SHPRH: variants seen among roughly 807,000 people sequenced by gnomAD.
The protein encoded by SHPRH is E3 ubiquitin-protein ligase SHPRH.
Under a neutral mutation model 202.5 loss-of-function variants are expected in SHPRH, and 106 were observed. The observed-to-expected ratio is 0.52, with a 90% CI of 0.45 to 0.62. The LOEUF is 0.62. Among genes scored for constraint, SHPRH ranks in the 20% least tolerant of loss-of-function variants. The pLI is 0.00. For missense variants in SHPRH, 1,710 were observed against 2,020.0 expected (o/e 0.85, Z 2.94); for synonymous variants, 729 against 686.0 (o/e 1.06, Z -0.98).
Position 145,943,679 on chromosome 6 carries a change from T to C in SHPRH, c.1702A>G (p.Lys568Glu). The change falls in exon 9 of 30, where the codon AAG (lysine) becomes GAG (glutamate). Residue 568 changes from lysine (K) to glutamate (E), a missense_variant. By Grantham distance (56) the Lys-to-Glu change is moderately conservative. Transcript: ENST00000275233. Reference protein sequence around the residue: ...DDDDPYYYYYKSRRNRSKLRK... With the variant: ...DDDDPYYYYYESRRNRSKLRK... ...AATTTACTGCGATTTCTCCTGGACTTATAATAATAATAGTAAGGATCATCA... is the reference window on the plus strand; with the variant it reads ...AATTTACTGCGATTTCTCCTGGACTCATAATAATAATAGTAAGGATCATCA... The C allele has an allele frequency of 6.2e-7, 1 of 1,613,880 alleles. No homozygotes were observed. The highest frequency in any genetic ancestry group is 8.5e-7 in the Non-Finnish European group (1 of 1,179,878).
intron 8 of SHPRH, 48 bp downstream of exon 8, chr6:145,945,333 G>T: frequency 1.9e-6 from 3 of 1,548,234 alleles, no homozygotes; most frequent in Non-Finnish European, 2.6e-6. Flanking sequence ...ACTCAGTAAG[G>T]TATCACATAC....
chr6:145,891,360 A>T (rs1562288132), intron 28 of SHPRH, among the ~76,000 whole-genome samples: 1 of 151,998 alleles, frequency 6.6e-6, no homozygotes, highest in Non-Finnish European at 1.5e-5. Flanking sequence ...CCATTTTCCC[A>T]TTTCTTTCAA....
intron 25 of SHPRH, among the ~76,000 whole-genome samples, chr6:145,899,243 G>A (rs541682124): frequency 1.3e-5 from 2 of 152,174 alleles, no homozygotes; most frequent in East Asian, 3.9e-4. Context: ...GATAACCAAA[G>A]CAATCTTGAG....
At chr6:145,911,482 G>C (rs937337505) in intron 24 of SHPRH, among the ~76,000 whole-genome samples, 2 of 152,062 alleles carry the variant, frequency 1.3e-5, no homozygotes, top group Non-Finnish European at 2.9e-5. Flanking sequence ...AATCCTCTCT[G>C]AATCTCTGCA....
intron 11 of SHPRH, among the ~76,000 whole-genome samples, chr6:145,939,043 A>G (rs1441755456): frequency 6.6e-6 from 1 of 152,170 alleles, no homozygotes; most frequent in Non-Finnish European, 1.5e-5. Flanking sequence ...CTGGCCCCAA[A>G]TGTCAATATG....
chr6:145,899,764 G>A (rs1229901801), intron 25 of SHPRH, among the ~76,000 whole-genome samples: 1 of 152,038 alleles, frequency 6.6e-6, no homozygotes, highest in African/African-American at 2.4e-5. Flanking sequence ...CATGTGATAA[G>A]GAGTTATTAT....
At chr6:145,961,777 C>G (rs752221702) in intron 1 of SHPRH, among the ~76,000 whole-genome samples, 16 of 152,208 alleles carry the variant, frequency 1.1e-4, no homozygotes, top group Non-Finnish European at 1.5e-5. Flanking sequence ...CAGTTCTTAA[C>G]TGAGTAAACA....
downstream of SHPRH, among the ~76,000 whole-genome samples, chr6:145,881,040 T>C (rs1780542001): frequency 1.3e-5 from 2 of 152,214 alleles, no homozygotes; most frequent in South Asian, 4.1e-4. Flanking sequence ...ATTTAAAATG[T>C]AAATAGGTTA....
intron 6 of SHPRH, 47 bp downstream of exon 6, chr6:145,947,446 G>A (rs377208669): frequency 1.6e-5 from 25 of 1,577,152 alleles, no homozygotes; most frequent in Admixed American, 1.3e-4. Context: ...GATGCTTTTC[G>A]AGAACATATG....
At chr6:145,874,681 G>GT (rs1322167819) in intron 2 of SHPRH, among the ~76,000 whole-genome samples, 1 of 152,078 alleles carries the variant, frequency 6.6e-6, no homozygotes, top group Admixed American at 6.5e-5. Context: ...TCCCCTTGAA[G>GT]TTTTTTCATC....
chr6:145,936,978 C>CTTTT (rs1206387630), intron 11 of SHPRH, among the ~76,000 whole-genome samples: 30 of 125,656 alleles, frequency 2.4e-4, no homozygotes, highest in Non-Finnish European at 3.7e-4. Flanking sequence ...CATGCTTCAT[C>CTTTT]TTTTTTTTTT....
At chr6:145,882,958 C>G (rs181879194), downstream of SHPRH, among the ~76,000 whole-genome samples, 8 of 152,142 alleles carry the variant, frequency 5.3e-5, no homozygotes, top group African/African-American at 9.6e-5. Flanking sequence ...TGGGAAGATC[C>G]CATAGGTCGA....
At chr6:145,951,452 A>C (rs953226265) in intron 3 of SHPRH, among the ~76,000 whole-genome samples, 2 of 152,154 alleles carry the variant, frequency 1.3e-5, no homozygotes, top group Middle Eastern at 3.4e-3. Flanking sequence ...CTTTATGCTC[A>C]GTTGTTTTAG....
intron 28 of SHPRH, among the ~76,000 whole-genome samples, chr6:145,890,407 A>G (rs2128712257): frequency 6.6e-6 from 1 of 152,308 alleles, no homozygotes; most frequent in East Asian, 1.9e-4. Context: ...CTAATGATCA[A>G]TTCTCAATCC....
Position 145,964,285 on chromosome 6 carries a change from T to C in SHPRH, c.-587A>G, listed in dbSNP as rs2128818739. The C allele has an allele frequency of 6.6e-6, 1 of 152,150 alleles. No homozygotes were observed. Among genetic ancestry groups the C allele is most frequent in the Middle Eastern group, 3.4e-3 (1 of 294 alleles). 9.4% of individuals were successfully genotyped at this position (152,150 alleles called of 1,614,324 possible). A position where few individuals can be genotyped will look rare whatever the true frequency, so the allele number is the denominator to read the frequency against. ...GCTTGAGGTGGGCACGAGCGCTTTT[T>C]GCCGGAACGTGTAGGGGTCCCCCGG... On this transcript the variant is annotated 5_prime_UTR_variant, in exon 1 of 30. Coordinates refer to ENST00000275233, the MANE Select transcript of SHPRH (RefSeq NM_001042683.3).
chr6:145,918,336 A>C, intron 22 of SHPRH, 104 bp from the exon 23 acceptor site: 1 of 726,738 alleles, frequency 1.4e-6, no homozygotes, highest in Non-Finnish European at 2.0e-6. Flanking sequence ...TGTTTTTAAA[A>C]AAAACCTATT....
At chr6:145,873,001 T>A (rs950941956) in intron 2 of SHPRH, among the ~76,000 whole-genome samples, 1 of 152,022 alleles carries the variant, frequency 6.6e-6, no homozygotes, top group Non-Finnish European at 1.5e-5. Context: ...CATGGACACA[T>A]GGCGGGGAAC....
At chr6:145,887,693 CCTGG>C (rs1423494684) in intron 29 of SHPRH, among the ~76,000 whole-genome samples, 6 of 152,016 alleles carry the variant, frequency 3.9e-5, no homozygotes, top group Non-Finnish European at 8.8e-5. Context: ...TGTCACCATG[CCTGG>C]CTAATTTTTG....
rs770845918 is a variant in SHPRH at position 145,950,413 on chromosome 6, T to C, written c.833A>G (p.His278Arg). The change falls in exon 4 of 30, where the codon CAC (histidine) becomes CGC (arginine). Residue 278 changes from histidine to arginine, a missense_variant. Physicochemically the swap from His to Arg is conservative, Grantham distance 29. Around this residue, in one of 8 missense-constraint regions of SHPRH, gnomAD observed 459 missense variants for 426.5 expected, o/e 1.08. Transcript: ENST00000275233. The part of the protein sequence containing the change: ...PEGQDIDELY[H>R]FVKQTHQQET... ...TTGCTGATGTGTTTGTTTCACAAAG[T>C]GATACAGCTCGTCAATGTCTTGTCC... is the stretch of plus-strand genomic sequence containing the variant. 13 of 1,613,196 alleles carry C rather than the reference T, an allele frequency of 8.1e-6. No individual in the cohort carries two copies. Among genetic ancestry groups the C allele is most frequent in the Non-Finnish European group, 9.3e-6 (11 of 1,179,450 alleles).
Sources: gnomAD v4.1 joint callset for allele counts (sites outside exome capture counted in the v4.1 genomes callset) on GRCh38, gnomAD v4.1.1 for gene constraint, gnomAD v4.1.1 regional missense constraint, MANE v1.5 for transcripts, NCBI Gene and HGNC (gene_info 2026-07-23, HGNC 2026-07-21) for gene names.